Variants in TIAM2 observed in about 807,000 individuals in gnomAD.
TIAM2 encodes the protein rho guanine nucleotide exchange factor TIAM2.
Under a neutral mutation model 152.9 loss-of-function variants are expected in TIAM2, and 80 were observed. That is an observed-to-expected ratio of 0.52 (90% CI 0.44 to 0.63). TIAM2 has a LOEUF of 0.63. Among genes scored for constraint, TIAM2 ranks in the 30% least tolerant of loss-of-function variants. TIAM2 has a pLI of 0.00. For missense variants in TIAM2, 1,965 were observed against 2,120.1 expected, an observed-to-expected ratio of 0.93 and a Z score of 1.44; for synonymous variants, 804 against 838.0, an observed-to-expected ratio of 0.96 and a Z score of 0.70.
chr6:155,257,701 T>C lies in TIAM2; in HGVS notation c.*580T>C, dbSNP rs1784159506. Reference sequence around the variant, plus strand: ...TATTTATTTTCTCTGCCAAGCTGTATAGTAAAAGGAAAATAAGTCACATCT... The same window carrying C: ...TATTTATTTTCTCTGCCAAGCTGTACAGTAAAAGGAAAATAAGTCACATCT... On this transcript the variant is annotated 3_prime_UTR_variant, in exon 27 of 27. Coordinates refer to ENST00000682666, the MANE Select transcript of TIAM2 (RefSeq NM_012454.4). 5 of 1,015,274 alleles carry C rather than the reference T, an allele frequency of 4.9e-6. No individual in the cohort carries two copies. The highest frequency in any genetic ancestry group is 4.4e-6 in the Non-Finnish European group (3 of 676,630). 62.9% of individuals were successfully genotyped at this position (1,015,274 alleles called of 1,614,324 possible). A position where few individuals can be genotyped will look rare whatever the true frequency, so the allele number is the denominator to read the frequency against.
At chr6:155,029,515 ATATAT>A (rs1776769997) in intron 1 of TIAM2, among the ~76,000 whole-genome samples, 1 of 64,452 alleles carries the variant, frequency 1.6e-5, no homozygotes, top group Non-Finnish European at 2.6e-5. Context: ...AATATATACT[ATATAT>A]TATAGTATAG....
At chr6:155,139,350 G>A (rs557585212) in intron 5 of TIAM2, among the ~76,000 whole-genome samples, 84 of 152,284 alleles carry the variant, frequency 5.5e-4, no homozygotes, top group African/African-American at 1.9e-3. Flanking sequence ...CTAGCAGGCC[G>A]GCGGGTGTAC....
intron 2 of TIAM2, among the ~76,000 whole-genome samples, chr6:155,118,498 T>C (rs1779069913): frequency 6.6e-6 from 1 of 150,404 alleles, no homozygotes; most frequent in African/African-American, 2.4e-5. Context: ...AGTGGCGTGA[T>C]CTTGACTCAC....
intron 7 of TIAM2, among the ~76,000 whole-genome samples, chr6:155,149,744 G>A (rs901435763): frequency 1.3e-5 from 2 of 152,000 alleles, no homozygotes; most frequent in Non-Finnish European, 2.9e-5. Flanking sequence ...CCAACGTGGT[G>A]AAACCCCATC....
rs887337816 is a variant in TIAM2, at chr6:155,143,396, G to A, written c.1631-1210G>A. On this transcript the variant is annotated intron_variant, in intron 5 of 26. Transcript: ENST00000682666. ...TAAGTACTTAAAAGCATATGTTGCA[G>A]TATTTTTAGAGTAACGTTTGAAAAT... is the stretch of plus-strand genomic sequence containing the variant. Among the ~76,000 whole-genome samples the A allele has an allele frequency of 1.1e-4, 17 of 152,180 alleles. 1 individual carries two copies. Among genetic ancestry groups the A allele is most frequent in the African/African-American group, 4.1e-4 (17 of 41,442 alleles).
chr6:155,054,865 T>G (rs933151578), intron 1 of TIAM2, among the ~76,000 whole-genome samples: 4 of 152,192 alleles, frequency 2.6e-5, no homozygotes, highest in African/African-American at 9.7e-5. Context: ...TTTATGACAT[T>G]GGTGAAAGAG....
intron 1 of TIAM2, among the ~76,000 whole-genome samples, chr6:155,029,809 T>C (rs7773121): frequency 0.17 from 25,463 of 149,748 alleles, 2,378 homozygotes; most frequent in East Asian, 0.31. Context: ...GTTTTGTTTT[T>C]CTGAGACAGG....
chr6:155,027,537 ATAAT>A (rs908826766), intron 1 of TIAM2, among the ~76,000 whole-genome samples: 2 of 100,754 alleles, frequency 2.0e-5, no homozygotes, highest in Admixed American at 2.2e-4. Flanking sequence ...TATACTATAT[ATAAT>A]ATATATACTG....
intron 1 of TIAM2, among the ~76,000 whole-genome samples, chr6:155,065,764 C>T (rs889730828): frequency 6.6e-6 from 1 of 152,106 alleles, no homozygotes; most frequent in Non-Finnish European, 1.5e-5. Context: ...ATAAGACTGT[C>T]TCTCCCCACC....
At chr6:155,256,189 G>A in intron 26 of TIAM2, 1 of 544,102 alleles carries the variant, frequency 1.8e-6, no homozygotes, top group South Asian at 2.5e-5. Flanking sequence ...CTTACTCCTT[G>A]GCAAAATAAG....
chr6:155,071,078 G>C (rs140664671), intron 1 of TIAM2, among the ~76,000 whole-genome samples: 5 of 152,106 alleles, frequency 3.3e-5, no homozygotes, highest in African/African-American at 9.7e-5. Context: ...GAGGCTGAGG[G>C]GGGAGGATGG....
intron 14 of TIAM2, among the ~76,000 whole-genome samples, chr6:155,184,980 C>A (rs1035540543): frequency 2.0e-5 from 3 of 152,014 alleles, no homozygotes; most frequent in Non-Finnish European, 4.4e-5. Flanking sequence ...TTGTTGGATT[C>A]ATTACTCTTG....
At chr6:155,104,033 CA>C (rs1562316856) in intron 2 of TIAM2, among the ~76,000 whole-genome samples, 57 of 108,098 alleles carry the variant, frequency 5.3e-4, no homozygotes, top group African/African-American at 1.2e-3. Flanking sequence ...TTACCTCACA[CA>C]CACACACCCC....
intron 15 of TIAM2, among the ~76,000 whole-genome samples, chr6:155,228,861 C>T (rs550040879): frequency 6.6e-6 from 1 of 152,304 alleles, no homozygotes; most frequent in South Asian, 2.1e-4. Flanking sequence ...GAGCAGGGGT[C>T]CTCCCTGTGA....
At chr6:155,177,432 T>A (rs1449511499) in intron 10 of TIAM2, among the ~76,000 whole-genome samples, 1 of 152,222 alleles carries the variant, frequency 6.6e-6, no homozygotes, top group East Asian at 1.9e-4. Context: ...AAGATGATGT[T>A]TTATTCATTT....
rs1166921695 is a variant in TIAM2, at chr6:155,257,030, C to T, written c.5015C>T (p.Ser1672Phe). ...GAAAATGCCACCATCGACCTAAATT[C>T]TGTTCTAGAGCGAGAATTCAGTGTC... The part of the protein sequence containing the change: ...QSENATIDLN[S>F]VLEREFSVQS... The change falls in exon 27 of 27, where the codon TCT becomes TTT. Residue 1672 changes from serine (S) to phenylalanine (F), a missense_variant. By Grantham distance (155) the Ser-to-Phe change is radical. Around this residue, in one of 3 missense-constraint regions of TIAM2, gnomAD observed 935 missense variants for 980.0 expected, o/e 0.95. Transcript: ENST00000682666. The T allele has an allele frequency of 6.2e-7, 1 of 1,614,192 alleles. No individual in the cohort carries two copies. The highest frequency in any genetic ancestry group is 2.2e-5 in the East Asian group (1 of 44,886).
chr6:155,115,794 G>A (rs1015835726), intron 2 of TIAM2, among the ~76,000 whole-genome samples: 1 of 152,160 alleles, frequency 6.6e-6, no homozygotes, highest in African/African-American at 2.4e-5. Context: ...GAGGATTCTT[G>A]TGCCTGGGGT....
At chr6:155,220,756 T>C (rs909207825) in intron 15 of TIAM2, among the ~76,000 whole-genome samples, 1 of 152,204 alleles carries the variant, frequency 6.6e-6, no homozygotes, top group Admixed American at 6.5e-5. Context: ...ATCAAGCGTG[T>C]CTTACCTCTT....
intron 1 of TIAM2, among the ~76,000 whole-genome samples, chr6:155,040,510 T>C (rs1777006033): frequency 6.6e-6 from 1 of 152,084 alleles, no homozygotes; most frequent in Non-Finnish European, 1.5e-5. Flanking sequence ...AAGAGCACAA[T>C]TCTTTTTTTT....
Sources: gnomAD v4.1 joint callset for allele counts (sites outside exome capture counted in the v4.1 genomes callset) on GRCh38, gnomAD v4.1.1 for gene constraint, gnomAD v4.1.1 regional missense constraint, MANE v1.5 for transcripts, NCBI Gene and HGNC (gene_info 2026-07-23, HGNC 2026-07-21) for gene names.